MMP2: variants seen among roughly 807,000 people sequenced by gnomAD.
The protein encoded by MMP2 is 72 kDa type IV collagenase.
In MMP2, 39 loss-of-function variants were observed where a neutral mutation model predicts 74.8. The observed-to-expected ratio is 0.52, with a 90% confidence interval of 0.40 to 0.68. The LOEUF is 0.68. Among genes scored for constraint, MMP2 ranks in the 30% least tolerant of loss-of-function variants. The probability of loss-of-function intolerance (pLI) is 0.00; values close to 1 mark genes in which losing one functional copy is unlikely to be tolerated. For synonymous variants in MMP2, 367 were observed against 339.8 expected (o/e 1.08, Z -0.88); for missense variants, 803 against 878.3 (o/e 0.91, Z 1.08).
At chr16:55,502,923 C>T in intron 12 of MMP2, 35 bp downstream of exon 12, 1 of 1,534,726 alleles carries the variant, frequency 6.5e-7, no homozygotes, top group Non-Finnish European at 9.0e-7. Flanking sequence ...CTTTCTAGGA[C>T]TCCCCGCCCC....
Position 55,479,360 on chromosome 16 carries a change from G to A in MMP2, c.-120G>A. The A allele has an allele frequency of 8.2e-7, 1 of 1,216,000 alleles. No individual in the cohort carries two copies. The highest frequency in any genetic ancestry group is 3.3e-5 in the East Asian group (1 of 30,304). The allele number at this position is 1,216,000 out of a possible 1,614,324, so 75.3% of individuals were successfully genotyped here. On this transcript the variant is annotated 5_prime_UTR_variant, in exon 1 of 13. Coordinates refer to ENST00000219070, the MANE Select transcript of MMP2 (RefSeq NM_004530.6). Reference sequence around the variant, plus strand: ...AGCCGGGCAAACCCCAGGCCACCGAGCCAGCGGACCCTCGGAGCGCAGCCC... The same window carrying A: ...AGCCGGGCAAACCCCAGGCCACCGAACCAGCGGACCCTCGGAGCGCAGCCC...
At chr16:55,505,234 A>G (rs1962769882) in intron 12 of MMP2, 105 bp from the exon 13 acceptor site, 1 of 992,466 alleles carries the variant, frequency 1.0e-6, no homozygotes, top group Admixed American at 1.7e-5. Flanking sequence ...TTCTCGTTTA[A>G]AAGCTTCTTC....
chr16:55,502,026 C>T (rs1036798583), intron 11 of MMP2, among the ~76,000 whole-genome samples: 1 of 152,164 alleles, frequency 6.6e-6, no homozygotes, highest in East Asian at 1.9e-4. Flanking sequence ...ACATACTAAC[C>T]GATGCCCAAA....
chr16:55,502,920 G>T (rs1962706773), intron 12 of MMP2, 32 bp downstream of exon 12: 1 of 1,558,728 alleles, frequency 6.4e-7, no homozygotes, highest in East Asian at 2.2e-5. Flanking sequence ...CCGCTTTCTA[G>T]GACTCCCCGC....
chr16:55,485,859 A>C, intron 5 of MMP2, 82 bp downstream of exon 5: 1 of 1,425,086 alleles, frequency 7.0e-7, no homozygotes, highest in Non-Finnish European at 9.8e-7. Context: ...TTCCCTCCAC[A>C]CTCTCCAGGA....
At position 55,479,596 on chromosome 16, in the gene MMP2, C is replaced by T. The variant is rs139082366; in HGVS notation, c.117C>T (p.Gly39=). The change falls in exon 1 of 13, where the codon GGC becomes GGT. Residue 39 remains glycine (G), a synonymous_variant. Transcript: ENST00000219070. The stretch of plus-strand genomic sequence containing the variant: ...CGTCGCCCATCATCAAGTTCCCCGG[C>T]GATGTCGCCCCCAAAACGGACAAAG... ...AAPSPIIKFP[G]DVAPKTDKEL... is the part of the protein sequence containing the mutation. 1.9e-6 allele frequency: 3 copies of T among 1,613,656 alleles called. No individual in the cohort carries two copies. The highest frequency in any genetic ancestry group is 4.5e-5 in the East Asian group (2 of 44,876).
rs1334003121 is a variant in MMP2 at position 55,493,198 on chromosome 16, C to A, written c.1377C>A (p.Pro459=). Reference sequence around the variant, plus strand: ...TTGACCTTGGCACCGGCCCCACCCCCACGCTGGGCCCTGTCACTCCTGAGA... The same window carrying A: ...TTGACCTTGGCACCGGCCCCACCCCAACGCTGGGCCCTGTCACTCCTGAGA... ...PDIDLGTGPT[P]TLGPVTPEIC... is the part of the protein sequence containing the mutation. The change falls in exon 9 of 13, where the codon CCC becomes CCA. Residue 459 remains proline, a synonymous_variant. Coordinates refer to ENST00000219070, the MANE Select transcript of MMP2 (RefSeq NM_004530.6). 1 of 1,614,148 alleles carries A rather than the reference C, an allele frequency of 6.2e-7. No individual in the cohort carries two copies. The highest frequency in any genetic ancestry group is 1.7e-5 in the Admixed American group (1 of 60,016).
At chr16:55,502,191 A>G (rs1331257254) in intron 11 of MMP2, among the ~76,000 whole-genome samples, 1 of 152,162 alleles carries the variant, frequency 6.6e-6, no homozygotes, top group Non-Finnish European at 1.5e-5. Flanking sequence ...CTCCCAGGGC[A>G]GGGACTGTCA....
At position 55,502,899 on chromosome 16, in the gene MMP2, C is replaced by T. The variant is rs1291353303; in HGVS notation, c.1879+11C>T. The T allele has an allele frequency of 1.4e-5, 23 of 1,607,904 alleles. 1 individual carries two copies. The highest frequency in any genetic ancestry group is 2.2e-5 in the East Asian group (1 of 44,866). Reference sequence around the variant, plus strand: ...ACCTGCAGGGCGGCGGTGAGCCACCCAGGACTGTCTCCGCTTTCTAGGACT... The same window carrying T: ...ACCTGCAGGGCGGCGGTGAGCCACCTAGGACTGTCTCCGCTTTCTAGGACT... On this transcript the variant is annotated intron_variant, in intron 12 of 12. Coordinates refer to ENST00000219070, the MANE Select transcript of MMP2 (RefSeq NM_004530.6).
At chr16:55,499,282 A>G (rs1284046945) in intron 11 of MMP2, among the ~76,000 whole-genome samples, 1 of 152,158 alleles carries the variant, frequency 6.6e-6, no homozygotes, top group African/African-American at 2.4e-5. Context: ...AAAACATGTT[A>G]GTCTTCACTC....
At chr16:55,491,708 G>A in intron 7 of MMP2, 93 bp from the exon 8 acceptor site, 1 of 1,414,456 alleles carries the variant, frequency 7.1e-7, no homozygotes, top group Non-Finnish European at 1.0e-6. Context: ...CTGTGGGGCT[G>A]TCCTCAAAAG....
At chr16:55,493,960 C>A (rs1339226252) in intron 9 of MMP2, among the ~76,000 whole-genome samples, 1 of 152,134 alleles carries the variant, frequency 6.6e-6, no homozygotes, top group Non-Finnish European at 1.5e-5. Flanking sequence ...TACCCTAATG[C>A]CCTAGTTCCC....
Position 55,489,801 on chromosome 16 carries a change from A to G in MMP2, c.1157A>G (p.Lys386Arg), listed in dbSNP as rs1233988938. The stretch of plus-strand genomic sequence containing the variant: ...ACAGCCAACTACGATGATGACCGCA[A>G]GTGGGGCTTCTGCCCTGACCAAGGT... Reference protein sequence around the residue: ...ATTANYDDDRKWGFCPDQGYS... With the variant: ...ATTANYDDDRRWGFCPDQGYS... The change falls in exon 7 of 13, where the codon AAG becomes AGG. Residue 386 changes from lysine to arginine, a missense_variant. Around this residue, in one of 3 missense-constraint regions of MMP2, gnomAD observed 555 missense variants for 592.0 expected, o/e 0.94. Transcript: ENST00000219070. 1 of 1,614,024 alleles carries G rather than the reference A, an allele frequency of 6.2e-7. No individual in the cohort carries two copies. The highest frequency in any genetic ancestry group is 1.7e-5 in the Admixed American group (1 of 60,006).
At position 55,488,734 on chromosome 16, in the gene MMP2, T is replaced by C; in HGVS notation, c.1006+18T>C. 1.3e-6 allele frequency: 2 copies of C among 1,573,258 alleles called. No individual in the cohort carries two copies. ...TGAGACCGGTGGGTGCCACTCCCTC[T>C]CCCTCCCTCAGGGCCCAGCACCTGC... On this transcript the variant is annotated intron_variant, in intron 6 of 12. Coordinates refer to ENST00000219070, the MANE Select transcript of MMP2 (RefSeq NM_004530.6).
At chr16:55,491,684 G>T in intron 7 of MMP2, 117 bp from the exon 8 acceptor site, 1 of 1,173,612 alleles carries the variant, frequency 8.5e-7, no homozygotes, top group Non-Finnish European at 1.3e-6. Flanking sequence ...CCGCTTCCAG[G>T]GTTCTCAGCC....
Position 55,479,495 on chromosome 16 carries a change from G to A in MMP2, c.16G>A (p.Ala6Thr), listed in dbSNP as rs1287389935. Residue 6 changes from alanine to threonine, a missense_variant, in exon 1 of 13, where the codon GCC becomes ACC. By Grantham distance (58) the Ala-to-Thr change is moderately conservative (BLOSUM62 0). Transcript: ENST00000219070. MEALMARGALTGPLRA... is the reference protein window; with the variant it reads MEALMTRGALTGPLRA... ...GAGCGCTACGATGGAGGCGCTAATG[G>A]CCCGGGGCGCGCTCACGGGTCCCCT... 4 of 1,585,946 alleles carry A rather than the reference G, an allele frequency of 2.5e-6. No individual in the cohort carries two copies. Among genetic ancestry groups the A allele is most frequent in the Non-Finnish European group, 1.7e-6 (2 of 1,166,650 alleles).
chr16:55,479,561 G>A lies in MMP2; in HGVS notation c.82G>A (p.Ala28Thr), dbSNP rs765007075. ...CCTGGGCTGCCTGCTGAGCCACGCC[G>A]CCGCCGCGCCGTCGCCCATCATCAA... The part of the protein sequence containing the change: ...CLLGCLLSHA[A>T]AAPSPIIKFP... Residue 28 changes from alanine (A) to threonine (T), a missense_variant, in exon 1 of 13, where the codon GCC (alanine) becomes ACC (threonine). By Grantham distance (58) the Ala-to-Thr change is moderately conservative. Around this residue, in one of 3 missense-constraint regions of MMP2, gnomAD observed 223 missense variants for 232.8 expected, o/e 0.96. Coordinates refer to ENST00000219070, the MANE Select transcript of MMP2 (RefSeq NM_004530.6). The A allele has an allele frequency of 3.7e-6, 6 of 1,612,942 alleles. No homozygotes were observed. In the African/African-American group the frequency reaches 4.0e-5, roughly 11 times the overall value.
In MMP2 at chr16:55,479,614, G is replaced by A. The variant is rs1962045274; in HGVS notation, c.135G>A (p.Thr45=). The A allele has an allele frequency of 6.2e-7, 1 of 1,613,816 alleles. No homozygotes were observed. The highest frequency in any genetic ancestry group is 8.5e-7 in the Non-Finnish European group (1 of 1,180,002). Residue 45 remains threonine, a synonymous_variant, in exon 1 of 13, where the codon ACG becomes ACA. Transcript: ENST00000219070. Reference sequence around the variant, plus strand: ...TCCCCGGCGATGTCGCCCCCAAAACGGACAAAGAGTTGGCAGTGGTGAGTT... The same window carrying A: ...TCCCCGGCGATGTCGCCCCCAAAACAGACAAAGAGTTGGCAGTGGTGAGTT... ...IKFPGDVAPK[T]DKELAVQYLN...
At chr16:55,489,541 G>A in intron 6 of MMP2, 110 bp from the exon 7 acceptor site, 1 of 1,328,600 alleles carries the variant, frequency 7.5e-7, no homozygotes, top group African/African-American at 1.4e-5. Flanking sequence ...CAGTGCCTGG[G>A]ACTGAGTCTA....
Sources: gnomAD v4.1 joint callset for allele counts (sites outside exome capture counted in the v4.1 genomes callset) on GRCh38, gnomAD v4.1.1 for gene constraint, gnomAD v4.1.1 regional missense constraint, MANE v1.5 for transcripts, NCBI Gene and HGNC (gene_info 2026-07-23, HGNC 2026-07-21) for gene names.